Variants in ADGRL2 observed in about 807,000 individuals in gnomAD.
ADGRL2 encodes calcium-independent alpha-latrotoxin receptor 2.
Under a neutral mutation model 157.4 loss-of-function variants are expected in ADGRL2, and 44 were observed. The observed-to-expected ratio is 0.28, with a 90% CI of 0.22 to 0.36. The LOEUF (loss-of-function observed/expected upper bound fraction) is 0.36. Ranked by LOEUF, ADGRL2 falls within the 10% of genes least tolerant of loss-of-function variation. The pLI, the probability that ADGRL2 is intolerant of heterozygous loss-of-function variation, is 1.00. For missense variants in ADGRL2, 1,510 were observed against 1,768.9 expected, an observed-to-expected ratio of 0.85 and a Z score of 2.63; for synonymous variants, 585 against 624.7, an observed-to-expected ratio of 0.94 and a Z score of 0.95.
At chr1:81,428,320 A>T (rs2101598898) in intron 1 of ADGRL2, among the ~76,000 whole-genome samples, 1 of 147,966 alleles carries the variant, frequency 6.8e-6, no homozygotes, top group East Asian at 2.0e-4. Context: ...CAAATTAAAA[A>T]AAATATCTCA....
At chr1:81,659,423 G>A (rs2082606550) in intron 3 of ADGRL2, among the ~76,000 whole-genome samples, 1 of 152,142 alleles carries the variant, frequency 6.6e-6, no homozygotes, top group Admixed American at 6.5e-5. Context: ...CAAAGTGCAT[G>A]CCAATGGGAA....
intron 3 of ADGRL2, among the ~76,000 whole-genome samples, chr1:81,637,760 A>G (rs2082141819): frequency 6.6e-6 from 1 of 152,220 alleles, no homozygotes; most frequent in African/African-American, 2.4e-5. Flanking sequence ...CAATACATGG[A>G]AAACTGAAAA....
At chr1:81,451,011 C>T (rs2077693531) in intron 2 of ADGRL2, among the ~76,000 whole-genome samples, 2 of 152,180 alleles carry the variant, frequency 1.3e-5, no homozygotes, top group East Asian at 1.9e-4. Flanking sequence ...AAATTTAAGG[C>T]CAGTTTACTT....
chr1:81,516,128 T>C (rs2148124902), intron 2 of ADGRL2, among the ~76,000 whole-genome samples: 1 of 152,336 alleles, frequency 6.6e-6, no homozygotes, highest in African/African-American at 2.4e-5. Flanking sequence ...TCTTTGCCAG[T>C]GTGAATAATT....
intron 2 of ADGRL2, among the ~76,000 whole-genome samples, chr1:81,787,783 A>C (rs2149404174): frequency 6.6e-6 from 1 of 152,330 alleles, no homozygotes; most frequent in South Asian, 2.1e-4. Flanking sequence ...CAGTACAAAT[A>C]AAGGGGCAAT....
At chr1:81,430,850 C>T (rs2077306969) in intron 1 of ADGRL2, among the ~76,000 whole-genome samples, 1 of 152,188 alleles carries the variant, frequency 6.6e-6, no homozygotes, top group South Asian at 2.1e-4. Context: ...AAAACTCCAT[C>T]TTAATGCACT....
At chr1:81,509,497 G>A (rs558548367) in intron 2 of ADGRL2, among the ~76,000 whole-genome samples, 2 of 152,166 alleles carry the variant, frequency 1.3e-5, no homozygotes, top group East Asian at 3.9e-4. Flanking sequence ...GCAGCATTTT[G>A]ACACACCGTT....
intron 3 of ADGRL2, among the ~76,000 whole-genome samples, chr1:81,620,654 A>T (rs541731795): frequency 1.2e-3 from 184 of 152,326 alleles, no homozygotes; most frequent in Non-Finnish European, 1.5e-3. Flanking sequence ...TATAACTGTG[A>T]TATACCCAAC....
intron 1 of ADGRL2, among the ~76,000 whole-genome samples, chr1:81,410,758 C>T (rs1010741373): frequency 1.3e-5 from 2 of 152,156 alleles, no homozygotes; most frequent in African/African-American, 2.4e-5. Flanking sequence ...GGGTTCGGTG[C>T]TCAGCCCTAA....
intron 1 of ADGRL2, among the ~76,000 whole-genome samples, chr1:81,811,819 T>A (rs1401024388): frequency 6.6e-6 from 1 of 151,706 alleles, no homozygotes. Context: ...CCTAAGATGC[T>A]ACCTTTGTTT....
At chr1:81,607,639 CAT>C (rs1217230917) in intron 3 of ADGRL2, among the ~76,000 whole-genome samples, 3 of 152,150 alleles carry the variant, frequency 2.0e-5, no homozygotes, top group Non-Finnish European at 4.4e-5. Flanking sequence ...ACTTTTGCCT[CAT>C]GTATTCGTAT....
At chr1:81,790,086 C>G (rs2087259291) in intron 2 of ADGRL2, among the ~76,000 whole-genome samples, 1 of 152,116 alleles carries the variant, frequency 6.6e-6, no homozygotes, top group Non-Finnish European at 1.5e-5. Flanking sequence ...TTCTGAGGTT[C>G]CCTGGACACA....
chr1:81,535,148 T>C (rs1234009561), intron 2 of ADGRL2, among the ~76,000 whole-genome samples: 1 of 152,162 alleles, frequency 6.6e-6, no homozygotes, highest in East Asian at 1.9e-4. Context: ...GTAGAAAGAG[T>C]TCTTTTCTGA....
At chr1:81,575,765 G>A (rs2080786589) in intron 2 of ADGRL2, among the ~76,000 whole-genome samples, 1 of 152,040 alleles carries the variant, frequency 6.6e-6, no homozygotes, top group African/African-American at 2.4e-5. Context: ...CTGTTCTTGT[G>A]TTTATGGCCA....
At chr1:81,383,217 C>T (rs1332348429) in intron 1 of ADGRL2, among the ~76,000 whole-genome samples, 2 of 152,164 alleles carry the variant, frequency 1.3e-5, no homozygotes, top group African/African-American at 4.8e-5. Context: ...AAACTCAACT[C>T]TTTTCATATT....
At chr1:81,568,193 G>T (rs1192464010) in intron 2 of ADGRL2, among the ~76,000 whole-genome samples, 1 of 152,018 alleles carries the variant, frequency 6.6e-6, no homozygotes, top group Non-Finnish European at 1.5e-5. Flanking sequence ...CTGAAGGAAT[G>T]GCTTTTCTTC....
Position 81,966,480 on chromosome 1 carries a change from G to T in ADGRL2, c.2220G>T (p.Leu740=), listed in dbSNP as rs1657080317. ...GTACAGAAAATGCAACCATTAAACTGGGTGCTGATTTTATTGGTCGTAATA... is the reference window on the plus strand; with the variant it reads ...GTACAGAAAATGCAACCATTAAACTTGGTGCTGATTTTATTGGTCGTAATA... The part of the protein sequence containing the change: ...FLSTENATIK[L]GADFIGRNST... Residue 740 remains leucine, a synonymous_variant, in exon 13 of 24, where the codon CTG becomes CTT. Coordinates refer to ENST00000686636, the MANE Select transcript of ADGRL2 (RefSeq NM_001366006.2). 1.2e-6 allele frequency: 2 copies of T among 1,613,982 alleles called. No individual in the cohort carries two copies. The highest frequency in any genetic ancestry group is 1.7e-6 in the Non-Finnish European group (2 of 1,179,924).
intron 1 of ADGRL2, among the ~76,000 whole-genome samples, chr1:81,716,288 C>T (rs1024012296): frequency 3.9e-5 from 6 of 152,066 alleles, no homozygotes; most frequent in African/African-American, 1.4e-4. Flanking sequence ...CTTTGCATGA[C>T]CTTAAGCAGC....
At chr1:81,822,723 AG>A (rs1306393750) in intron 1 of ADGRL2, among the ~76,000 whole-genome samples, 1 of 152,096 alleles carries the variant, frequency 6.6e-6, no homozygotes, top group East Asian at 1.9e-4. Flanking sequence ...TATTTAATAT[AG>A]TTTCATATAA....
Sources: gnomAD v4.1 joint callset for allele counts (sites outside exome capture counted in the v4.1 genomes callset) on GRCh38, gnomAD v4.1.1 for gene constraint, MANE v1.5 for transcripts, NCBI Gene and HGNC (gene_info 2026-07-23, HGNC 2026-07-21) for gene names.